The following GARIN2 variants were observed in gnomAD, a reference collection of about 807,000 sequenced individuals.
GARIN2 encodes golgi associated RAB2 interactor family member 2, also known as Golgi-associated RAB2 interactor protein 2.
At chr14:67,198,071 T>G in the GARIN2 span, 1 of 1,490,704 alleles carries the variant, frequency 6.7e-7, no homozygotes, top group Non-Finnish European at 9.0e-7. Flanking sequence ...AATAAATAAA[T>G]GAAGCAACTT....
the GARIN2 span, among the ~76,000 whole-genome samples, chr14:67,212,933 C>T: frequency 4.0e-5 from 6 of 151,356 alleles, no homozygotes; most frequent in Non-Finnish European, 7.4e-5. Context: ...GCTGTTCAAG[C>T]AAAGCATCGT....
the GARIN2 span, among the ~76,000 whole-genome samples, chr14:67,215,540 G>T: frequency 6.6e-6 from 1 of 151,620 alleles, no homozygotes; most frequent in Non-Finnish European, 1.5e-5. Context: ...ACAGGAGAGA[G>T]TGAGAGTAAA....
chr14:67,192,014 A>G, the GARIN2 span, among the ~76,000 whole-genome samples: 1 of 152,242 alleles, frequency 6.6e-6, no homozygotes, highest in Non-Finnish European at 1.5e-5. Context: ...GGTTAAAAGA[A>G]GTAACAGAGA....
chr14:67,190,068 ATTTTTTT>A, the GARIN2 span, among the ~76,000 whole-genome samples: 4 of 115,448 alleles, frequency 3.5e-5, no homozygotes, highest in African/African-American at 1.0e-4. Flanking sequence ...TGCCCAGCTA[ATTTTTTT>A]TTTTTTTTTT....
At chr14:67,204,371 C>T in the GARIN2 span, 8 of 590,240 alleles carry the variant, frequency 1.4e-5, no homozygotes, top group South Asian at 7.4e-5. Flanking sequence ...CACAGGAAGT[C>T]GAGGCTGCAG....
chr14:67,221,739 A>C, the GARIN2 span: 1 of 1,609,904 alleles, frequency 6.2e-7, no homozygotes. Flanking sequence ...ATTTGTGGTT[A>C]TGCTGGCAAA....
the GARIN2 span, among the ~76,000 whole-genome samples, chr14:67,220,873 A>G: frequency 6.6e-6 from 1 of 152,250 alleles, no homozygotes; most frequent in African/African-American, 2.4e-5. Context: ...GTAGAACTTG[A>G]ACTGGGTGTA....
chr14:67,197,409 C>G, the GARIN2 span: 1 of 152,106 alleles, frequency 6.6e-6, no homozygotes, highest in South Asian at 2.1e-4. Flanking sequence ...ATGGCCACAT[C>G]CTCTCCTGCC....
At chr14:67,196,912 T>C in the GARIN2 span, 1 of 152,204 alleles carries the variant, frequency 6.6e-6, no homozygotes, top group Non-Finnish European at 1.5e-5. Context: ...AATTAGTTTC[T>C]TTTGTATACA....
chr14:67,202,889 C>T, the GARIN2 span, among the ~76,000 whole-genome samples: 1 of 152,122 alleles, frequency 6.6e-6, no homozygotes, highest in Non-Finnish European at 1.5e-5. Flanking sequence ...TTAATGTTTG[C>T]CTTCCCTGGT....
At chr14:67,215,322 G>A in the GARIN2 span, among the ~76,000 whole-genome samples, 320 of 152,106 alleles carry the variant, frequency 2.1e-3, no homozygotes, top group African/African-American at 7.3e-3. Flanking sequence ...GGGAATTGCT[G>A]TTATCACCTA....
the GARIN2 span, among the ~76,000 whole-genome samples, chr14:67,216,298 G>A: frequency 6.6e-6 from 1 of 151,634 alleles, no homozygotes; most frequent in Non-Finnish European, 1.5e-5. Flanking sequence ...TTCTTTTTTT[G>A]TCATGTCCTT....
At chr14:67,196,248 C>CTTTTTTTTTTTTTTTTT in the GARIN2 span, among the ~76,000 whole-genome samples, 1 of 137,448 alleles carries the variant, frequency 7.3e-6, no homozygotes, top group Non-Finnish European at 1.6e-5. Context: ...TGGAGTTTTG[C>CTTTTTTTTTTTTTTTTT]TCTTGTCGCC....
At chr14:67,224,767 T>C in the GARIN2 span, 8 of 248,864 alleles carry the variant, frequency 3.2e-5, no homozygotes, top group Non-Finnish European at 1.6e-5. Flanking sequence ...GTTTCCTTCC[T>C]ACCCTTACCC....
the GARIN2 span, chr14:67,198,960 A>C: frequency 1.4e-6 from 1 of 702,540 alleles, no homozygotes; most frequent in African/African-American, 1.7e-5. Flanking sequence ...TCTAACTCTT[A>C]ATACATTCGA....
the GARIN2 span, chr14:67,203,422 A>G: frequency 1.4e-6 from 1 of 714,758 alleles, no homozygotes; most frequent in South Asian, 2.5e-5. Context: ...GCTGCAAATG[A>G]CAAAGAGGAG....
chr14:67,203,445 C>T, the GARIN2 span, among the ~76,000 whole-genome samples: 10 of 152,270 alleles, frequency 6.6e-5, no homozygotes, highest in African/African-American at 9.6e-5. Flanking sequence ...TCCTTGAAGA[C>T]GGGTGAAATC....
At chr14:67,225,145 C>A in the GARIN2 span, 25 of 1,585,006 alleles carry the variant, frequency 1.6e-5, no homozygotes, top group South Asian at 4.7e-5. Flanking sequence ...AAATCTCCTT[C>A]TAATTTCCTC....
chr14:67,196,374 G>A, the GARIN2 span, among the ~76,000 whole-genome samples: 13 of 151,882 alleles, frequency 8.6e-5, no homozygotes, highest in Non-Finnish European at 1.8e-4. Flanking sequence ...CTGTCACCAT[G>A]CCAGGCTAAT....
Sources: allele counts gnomAD v4.1 joint callset (sites outside exome capture counted in the v4.1 genomes callset), GRCh38; gene constraint gnomAD v4.1.1; transcripts MANE v1.5; gene names NCBI Gene and HGNC (gene_info 2026-07-23, HGNC 2026-07-21).